The following FARS2 variants were observed in gnomAD, a reference collection of about 807,000 sequenced individuals.
FARS2 encodes the protein phenylalanyl-tRNA synthetase 2, mitochondrial, also known as phenylalanine--tRNA ligase, mitochondrial.
In FARS2, 40 loss-of-function variants were observed where a neutral mutation model predicts 46.4. That is an observed-to-expected ratio of 0.86 (90% CI 0.67 to 1.12). FARS2 has a LOEUF of 1.12. FARS2 is among the 50% of genes most tolerant of loss of function. FARS2 has a pLI of 0.00. For missense variants in FARS2, 513 were observed against 567.9 expected (o/e 0.90, Z 0.98); for synonymous variants, 234 against 214.9 (o/e 1.09, Z -0.78).
At chr6:5,408,887 C>T (rs1288527258) in intron 3 of FARS2, among the ~76,000 whole-genome samples, 1 of 152,132 alleles carries the variant, frequency 6.6e-6, no homozygotes, top group African/African-American at 2.4e-5. Flanking sequence ...TGGTGGCTTT[C>T]ATATCTGCAC....
chr6:5,729,675 G>A (rs986884540), intron 6 of FARS2, among the ~76,000 whole-genome samples: 2 of 151,998 alleles, frequency 1.3e-5, no homozygotes, highest in East Asian at 2.0e-4. Context: ...GGATGGACGT[G>A]TAGGTTACCC....
At chr6:5,571,903 G>A (rs2150561208) in intron 5 of FARS2, among the ~76,000 whole-genome samples, 1 of 151,738 alleles carries the variant, frequency 6.6e-6, no homozygotes, top group South Asian at 2.1e-4. Context: ...CTCACTTCTT[G>A]TGCCATCAAG....
intron 1 of FARS2, among the ~76,000 whole-genome samples, chr6:5,345,084 G>A (rs748214795): frequency 4.0e-5 from 6 of 151,832 alleles, no homozygotes; most frequent in South Asian, 2.1e-4. Flanking sequence ...GAGCCACCAC[G>A]CCTGGCCAAT....
At chr6:5,429,527 C>T (rs977606546) in intron 3 of FARS2, among the ~76,000 whole-genome samples, 5 of 152,182 alleles carry the variant, frequency 3.3e-5, no homozygotes, top group Non-Finnish European at 7.4e-5. Context: ...GTTTTGGGGC[C>T]GAGTGCCGTG....
intron 6 of FARS2, among the ~76,000 whole-genome samples, chr6:5,691,142 C>T (rs1348710917): frequency 6.6e-6 from 1 of 152,128 alleles, no homozygotes; most frequent in Non-Finnish European, 1.5e-5. Flanking sequence ...AAACTTCCTC[C>T]TTTAGCTCGG....
intron 5 of FARS2, among the ~76,000 whole-genome samples, chr6:5,585,641 G>T (rs1561732318): frequency 6.6e-6 from 1 of 151,786 alleles, no homozygotes; most frequent in Non-Finnish European, 1.5e-5. Flanking sequence ...GTTACAAATG[G>T]CAGGATTTCC....
At chr6:5,497,302 A>G (rs1051032593) in intron 4 of FARS2, among the ~76,000 whole-genome samples, 2 of 152,210 alleles carry the variant, frequency 1.3e-5, no homozygotes, top group Non-Finnish European at 2.9e-5. Flanking sequence ...GTTCCCAGAG[A>G]AACTAGTCCA....
chr6:5,406,933 G>C (rs12664305), intron 3 of FARS2, among the ~76,000 whole-genome samples: 34,363 of 150,504 alleles, frequency 0.23, 4,182 homozygotes, highest in Middle Eastern at 0.29. Flanking sequence ...ATTCTAACAG[G>C]AGTCCAGTGG....
chr6:5,677,097 AT>A (rs1778806307), intron 6 of FARS2, among the ~76,000 whole-genome samples: 1 of 152,220 alleles, frequency 6.6e-6, no homozygotes, highest in Non-Finnish European at 1.5e-5. Flanking sequence ...TTATTTTTTC[AT>A]TTAAAACAAA....
chr6:5,251,811 G>A, the FARS2 span, among the ~76,000 whole-genome samples: 7 of 152,116 alleles, frequency 4.6e-5, no homozygotes, highest in African/African-American at 9.7e-5. Flanking sequence ...TAAAAGATCC[G>A]CAACAAGGAA....
chr6:5,605,999 A>G (rs377651166), intron 5 of FARS2, among the ~76,000 whole-genome samples: 15 of 152,170 alleles, frequency 9.9e-5, no homozygotes, highest in African/African-American at 2.9e-4. Context: ...TTCACCCAGA[A>G]TGCAGCACAG....
chr6:5,336,148 C>T (rs1453683054), intron 1 of FARS2, among the ~76,000 whole-genome samples: 1 of 151,688 alleles, frequency 6.6e-6, no homozygotes, highest in East Asian at 1.9e-4. Context: ...GGATTTTTTC[C>T]TATTGTGTTT....
At chr6:5,682,252 TACA>T (rs1779072643) in intron 6 of FARS2, among the ~76,000 whole-genome samples, 1 of 152,176 alleles carries the variant, frequency 6.6e-6, no homozygotes, top group Admixed American at 6.5e-5. Context: ...TATATATAGT[TACA>T]ACAATGTAAA....
chr6:5,537,002 A>C (rs898821636), intron 4 of FARS2, among the ~76,000 whole-genome samples: 1 of 152,198 alleles, frequency 6.6e-6, no homozygotes, highest in African/African-American at 2.4e-5. Context: ...CTCACCTTCT[A>C]GCGTTGACTG....
intron 1 of FARS2, among the ~76,000 whole-genome samples, chr6:5,318,396 A>AAC (rs1196983670): frequency 3.7e-5 from 5 of 136,388 alleles, no homozygotes; most frequent in African/African-American, 1.3e-4. Context: ...CCAAAAAAAA[A>AAC]AAAAAAAAAA....
chr6:5,563,547 G>C (rs1051990461), intron 5 of FARS2, among the ~76,000 whole-genome samples: 1 of 152,154 alleles, frequency 6.6e-6, no homozygotes, highest in Non-Finnish European at 1.5e-5. Context: ...CACACTAACT[G>C]CTGTTAGGGG....
intron 6 of FARS2, among the ~76,000 whole-genome samples, chr6:5,713,592 G>A (rs1165194797): frequency 6.6e-6 from 1 of 152,218 alleles, no homozygotes; most frequent in Non-Finnish European, 1.5e-5. Context: ...GCAAATGCAG[G>A]CACCCACAGA....
chr6:5,616,052 CA>C (rs1269096433), intron 6 of FARS2, among the ~76,000 whole-genome samples: 1 of 107,432 alleles, frequency 9.3e-6, no homozygotes, highest in African/African-American at 3.3e-5. Flanking sequence ...AACAAACAAA[CA>C]AAAAAACCAT....
chr6:5,600,378 A>G (rs971117079), intron 5 of FARS2, among the ~76,000 whole-genome samples: 1 of 152,206 alleles, frequency 6.6e-6, no homozygotes, highest in Non-Finnish European at 1.5e-5. Context: ...AACTGTGCCT[A>G]ACTCTGGCCA....
Sources: allele counts gnomAD v4.1 joint callset (sites outside exome capture counted in the v4.1 genomes callset), GRCh38; gene constraint gnomAD v4.1.1; transcripts MANE v1.5; gene names NCBI Gene and HGNC (gene_info 2026-07-23, HGNC 2026-07-21).